MMS22L: variants seen among roughly 807,000 people sequenced by gnomAD.
MMS22L encodes protein MMS22-like.
A neutral mutation model predicts 159.1 loss-of-function variants in MMS22L; 74 were observed. The observed-to-expected ratio is 0.47, with a 90% confidence interval of 0.39 to 0.56. The LOEUF (loss-of-function observed/expected upper bound fraction) is 0.56. MMS22L is among the 20% of genes least tolerant of loss of function. The pLI, the probability that MMS22L is intolerant of heterozygous loss-of-function variation, is 0.00. For missense variants in MMS22L, 1,351 were observed against 1,422.1 expected, an observed-to-expected ratio of 0.95 and a Z score of 0.80; for synonymous variants, 517 against 506.9, an observed-to-expected ratio of 1.02 and a Z score of -0.27.
At chr6:97,241,047 C>G (rs182036066) in intron 11 of MMS22L, among the ~76,000 whole-genome samples, 1 of 152,212 alleles carries the variant, frequency 6.6e-6, no homozygotes, top group African/African-American at 2.4e-5. Flanking sequence ...AAGTTAAAAA[C>G]GAGAACATAT....
chr6:97,150,240 G>A (rs957369842), intron 23 of MMS22L, among the ~76,000 whole-genome samples: 6 of 152,218 alleles, frequency 3.9e-5, no homozygotes, highest in Middle Eastern at 3.4e-3. Flanking sequence ...AGCACTGTGG[G>A]GAGGAGCAGG....
At chr6:97,247,564 C>CA (rs1812796140) in intron 10 of MMS22L, among the ~76,000 whole-genome samples, 1 of 151,930 alleles carries the variant, frequency 6.6e-6, no homozygotes, top group African/African-American at 2.4e-5. Flanking sequence ...ACTAAAAATA[C>CA]AAAAATTAGC....
chr6:97,276,063 T>G (rs1428077154), intron 4 of MMS22L, among the ~76,000 whole-genome samples: 1 of 152,066 alleles, frequency 6.6e-6, no homozygotes, highest in East Asian at 1.9e-4. Context: ...AAACATGTCA[T>G]TAAGTATGTT....
chr6:97,230,423 A>G (rs1810738758), intron 13 of MMS22L: 1 of 151,944 alleles, frequency 6.6e-6, no homozygotes, highest in South Asian at 2.1e-4. Context: ...TGCAACTTCT[A>G]TAACTGGCTT....
intron 8 of MMS22L, 31 bp downstream of exon 8, chr6:97,267,841 G>T: frequency 6.4e-7 from 1 of 1,556,482 alleles, no homozygotes; most frequent in Non-Finnish European, 8.7e-7. Flanking sequence ...CTGTCTTTAA[G>T]TCTCAAAAAT....
At chr6:97,193,434 T>A (rs1374726964) in intron 14 of MMS22L, among the ~76,000 whole-genome samples, 1 of 152,206 alleles carries the variant, frequency 6.6e-6, no homozygotes, top group Non-Finnish European at 1.5e-5. Flanking sequence ...GAAGTCATCA[T>A]TTTTAGAATT....
At chr6:97,241,998 T>TA (rs1812128830) in intron 11 of MMS22L, among the ~76,000 whole-genome samples, 1 of 152,190 alleles carries the variant, frequency 6.6e-6, no homozygotes, top group South Asian at 2.1e-4. Context: ...TTTTTAAAAA[T>TA]TATTGAGACT....
At chr6:97,172,686 T>C (rs560722053) in intron 19 of MMS22L, among the ~76,000 whole-genome samples, 2 of 152,086 alleles carry the variant, frequency 1.3e-5, no homozygotes, top group Admixed American at 6.5e-5. Flanking sequence ...AGCATAGAAA[T>C]AGATGTAAGC....
At chr6:97,276,849 T>G (rs1816286299) in intron 4 of MMS22L, among the ~76,000 whole-genome samples, 1 of 152,182 alleles carries the variant, frequency 6.6e-6, no homozygotes, top group African/African-American at 2.4e-5. Context: ...CACCGTACCT[T>G]TTCATTTACC....
chr6:97,202,571 T>C lies in MMS22L; in HGVS notation c.2040-15881A>G, dbSNP rs144987722. ...TTTCTAGTATTTTCTAATTTGGTTTTTTAGATACTGTAAAGTAAATAATAT... is the reference window on the plus strand; with the variant it reads ...TTTCTAGTATTTTCTAATTTGGTTTCTTAGATACTGTAAAGTAAATAATAT... On this transcript the variant is annotated intron_variant, in intron 14 of 24. Transcript: ENST00000683635. Among the ~76,000 whole-genome samples the C allele has an allele frequency of 1.9e-3, 292 of 152,292 alleles. 2 individuals carry two copies. Among genetic ancestry groups the C allele is most frequent in the African/African-American group, 6.8e-3 (282 of 41,562 alleles).
intron 14 of MMS22L, among the ~76,000 whole-genome samples, chr6:97,189,243 A>C (rs1253412660): frequency 1.4e-5 from 2 of 144,676 alleles, no homozygotes; most frequent in African/African-American, 5.3e-5. Flanking sequence ...TAGGACTCAA[A>C]GTTCTGAATC....
At chr6:97,217,405 C>A (rs1341158038) in intron 14 of MMS22L, among the ~76,000 whole-genome samples, 1 of 151,996 alleles carries the variant, frequency 6.6e-6, no homozygotes, top group Non-Finnish European at 1.5e-5. Context: ...AGGTGCCCAC[C>A]ACCACGCCCA....
At chr6:97,259,530 A>G (rs1212054267) in intron 9 of MMS22L, 1 of 152,086 alleles carries the variant, frequency 6.6e-6, no homozygotes, top group African/African-American at 2.4e-5. Context: ...CTGCCTTCAG[A>G]CTTGGACTCA....
Position 97,161,988 on chromosome 6 carries a change from G to A in MMS22L, c.3385+14C>T. On this transcript the variant is annotated intron_variant, in intron 22 of 24. Coordinates refer to ENST00000683635, the MANE Select transcript of MMS22L (RefSeq NM_001350599.2). Reference sequence around the variant, plus strand: ...AAAAAGAAAATGGTAACAAAAATAAGCTTACAAACAAACCTTGTGGTTCAC... The same window carrying A: ...AAAAAGAAAATGGTAACAAAAATAAACTTACAAACAAACCTTGTGGTTCAC... The A allele has an allele frequency of 1.3e-6, 2 of 1,599,362 alleles. No homozygotes were observed. The highest frequency in any genetic ancestry group is 1.7e-6 in the Non-Finnish European group (2 of 1,175,678).
At chr6:97,197,040 G>T (rs1806598988) in intron 14 of MMS22L, among the ~76,000 whole-genome samples, 1 of 151,978 alleles carries the variant, frequency 6.6e-6, no homozygotes, top group Non-Finnish European at 1.5e-5. Context: ...ACAAGTTATA[G>T]TCCTGAAGTT....
intron 10 of MMS22L, among the ~76,000 whole-genome samples, chr6:97,252,429 G>A (rs770574347): frequency 1.2e-4 from 18 of 151,730 alleles, no homozygotes; most frequent in Admixed American, 2.6e-4. Context: ...CAGATTAACC[G>A]AGGTCAGGAG....
chr6:97,243,636 T>C (rs985162431), intron 11 of MMS22L, among the ~76,000 whole-genome samples: 1 of 152,150 alleles, frequency 6.6e-6, no homozygotes, highest in Non-Finnish European at 1.5e-5. Context: ...TAGTGTGATC[T>C]TGTGGGGGTG....
Position 97,182,063 on chromosome 6 carries a change from A to C in MMS22L, c.2234-9T>G, listed in dbSNP as rs1044988837. 1.2e-6 allele frequency: 2 copies of C among 1,602,476 alleles called. No homozygotes were observed. Among genetic ancestry groups the C allele is most frequent in the Non-Finnish European group, 1.7e-6 (2 of 1,175,748 alleles). The stretch of plus-strand genomic sequence containing the variant: ...TGCTAGCAAAGTAAAGTCTAGATTC[A>C]AAATGAGAGAAACTTAAAGTCAGGA... On this transcript the variant is annotated splice_polypyrimidine_tract_variant and intron_variant, in intron 15 of 24. Transcript: ENST00000683635.
intron 13 of MMS22L, chr6:97,230,981 A>C (rs1810801550): frequency 6.2e-6 from 1 of 161,280 alleles, no homozygotes; most frequent in Non-Finnish European, 1.4e-5. Context: ...CAAAGGAAGT[A>C]GAAAAAAGAA....
Sources: gnomAD v4.1 joint callset for allele counts (sites outside exome capture counted in the v4.1 genomes callset) on GRCh38, gnomAD v4.1.1 for gene constraint, MANE v1.5 for transcripts, NCBI Gene and HGNC (gene_info 2026-07-23, HGNC 2026-07-21) for gene names.